PCNX2: variants seen among roughly 807,000 people sequenced by gnomAD.
The protein encoded by PCNX2 is pecanex 2, also known as pecanex-like protein 2.
In PCNX2, 168 loss-of-function variants were observed where a neutral mutation model predicts 223.8. That is an observed-to-expected ratio of 0.75 (90% CI 0.66 to 0.85). The LOEUF (loss-of-function observed/expected upper bound fraction) is 0.85. Among genes scored for constraint, PCNX2 ranks in the 40% least tolerant of loss-of-function variants. The pLI is 0.00. For synonymous variants in PCNX2, 1,006 were observed against 1,052.6 expected (o/e 0.96, Z 0.86); for missense variants, 2,507 against 2,675.5 (o/e 0.94, Z 1.39).
At chr1:233,120,218 A>G (rs1477950628) in intron 21 of PCNX2, among the ~76,000 whole-genome samples, 2 of 150,910 alleles carry the variant, frequency 1.3e-5, no homozygotes, top group African/African-American at 2.4e-5. Flanking sequence ...AAAAGAGTAT[A>G]GAGTATATAA....
At chr1:233,261,988 G>C in intron 3 of PCNX2, 57 bp downstream of exon 3, 1 of 1,603,230 alleles carries the variant, frequency 6.2e-7, no homozygotes, top group African/African-American at 1.3e-5. Flanking sequence ...CCCATTCTAG[G>C]TGAGATCAAC....
chr1:232,999,422 TG>T (rs1669998347), intron 30 of PCNX2, 43 bp from the exon 31 acceptor site: 1 of 1,520,538 alleles, frequency 6.6e-7, no homozygotes. Flanking sequence ...AGAAGGCCTG[TG>T]TTTTCCAGTC....
chr1:233,172,996 C>G (rs979481014), intron 17 of PCNX2, among the ~76,000 whole-genome samples: 1 of 152,122 alleles, frequency 6.6e-6, no homozygotes, highest in African/African-American at 2.4e-5. Context: ...CACTGCTAAA[C>G]AATTACCTCA....
chr1:233,293,173 G>T (rs907228484), intron 1 of PCNX2, among the ~76,000 whole-genome samples: 17 of 152,178 alleles, frequency 1.1e-4, no homozygotes, highest in Non-Finnish European at 1.9e-4. Flanking sequence ...ATAAAAATGA[G>T]CCCATATGCA....
chr1:233,284,276 T>G (rs962725639), intron 1 of PCNX2, among the ~76,000 whole-genome samples: 2 of 152,176 alleles, frequency 1.3e-5, no homozygotes, highest in Non-Finnish European at 2.9e-5. Context: ...AAGAGACACC[T>G]GTTGAAGTTT....
intron 12 of PCNX2, among the ~76,000 whole-genome samples, chr1:233,214,830 AC>A (rs1303095930): frequency 6.6e-6 from 1 of 152,152 alleles, no homozygotes; most frequent in African/African-American, 2.4e-5. Flanking sequence ...ACTGTATCAT[AC>A]CTGTTGCCAT....
At chr1:233,168,850 T>C (rs1236429763) in intron 17 of PCNX2, among the ~76,000 whole-genome samples, 1 of 152,104 alleles carries the variant, frequency 6.6e-6, no homozygotes, top group Non-Finnish European at 1.5e-5. Flanking sequence ...CTTGACACAA[T>C]TGGCACCATC....
At chr1:233,041,568 T>C (rs577948215) in intron 25 of PCNX2, among the ~76,000 whole-genome samples, 2 of 152,292 alleles carry the variant, frequency 1.3e-5, no homozygotes, top group Non-Finnish European at 2.9e-5. Context: ...GCTTCTGATG[T>C]TTCTTCCCAC....
intron 5 of PCNX2, 31 bp downstream of exon 5, chr1:233,257,997 T>A: frequency 6.3e-7 from 1 of 1,594,436 alleles, no homozygotes. Flanking sequence ...TTCTATGTCA[T>A]CATCAGAACG....
chr1:233,129,953 G>A (rs546947826), intron 21 of PCNX2, among the ~76,000 whole-genome samples: 17 of 152,276 alleles, frequency 1.1e-4, no homozygotes, highest in African/African-American at 4.1e-4. Flanking sequence ...CCTTTTTGCT[G>A]CTCACTGTTC....
chr1:233,227,455 C>T, intron 9 of PCNX2, 84 bp from the exon 10 acceptor site: 3 of 1,192,318 alleles, frequency 2.5e-6, no homozygotes, highest in Non-Finnish European at 3.5e-6. Context: ...TATGTATACA[C>T]ACACACACAT....
intron 21 of PCNX2, among the ~76,000 whole-genome samples, chr1:233,133,947 C>T (rs755751951): frequency 6.6e-6 from 1 of 151,612 alleles, no homozygotes; most frequent in Non-Finnish European, 1.5e-5. Flanking sequence ...CTCTTTAGTA[C>T]GATACAAGAG....
At chr1:233,028,007 G>T (rs1671141291) in intron 25 of PCNX2, among the ~76,000 whole-genome samples, 1 of 152,150 alleles carries the variant, frequency 6.6e-6, no homozygotes, top group African/African-American at 2.4e-5. Context: ...CCTGAGTTTA[G>T]AAGTGTGTTG....
At chr1:233,140,008 G>T in intron 19 of PCNX2, 153 bp from the exon 20 acceptor site, 1 of 456,260 alleles carries the variant, frequency 2.2e-6, no homozygotes, top group Non-Finnish European at 2.9e-6. Flanking sequence ...TTTTTTCCAG[G>T]CAGCAACTGT....
At chr1:233,322,740 C>T in the PCNX2 span, among the ~76,000 whole-genome samples, 7 of 152,140 alleles carry the variant, frequency 4.6e-5, no homozygotes, top group Non-Finnish European at 7.4e-5. Context: ...TTCAGATGGA[C>T]GTTCTAAGTC....
In PCNX2 at chr1:233,000,501, G is replaced by A. The variant is rs1394886653; in HGVS notation, c.5132C>T (p.Pro1711Leu). The change falls in exon 30 of 34, where the codon CCA becomes CTA. Residue 1711 changes from proline (P) to leucine (L), a missense_variant. By Grantham distance (98) the Pro-to-Leu change is moderately conservative. This residue lies in a region of PCNX2 where 1,372 missense variants were observed against 1,509.4 expected (regional missense o/e 0.91). Transcript: ENST00000258229. The surrounding 1 kb of genome is among the most constrained non-coding windows in gnomAD (Gnocchi z 4.6). ...CTGGATGGCCTCGTAGAGGACTGCT[G>A]GGTCTTCATACTCGTCAGGGCAAGT... is the stretch of plus-strand genomic sequence containing the variant. ...QFTCPDEYED[P>L]AVLYEAIQSF... 3.1e-6 allele frequency: 5 copies of A among 1,603,564 alleles called. No homozygotes were observed. Among genetic ancestry groups the A allele is most frequent in the East Asian group, 4.5e-5 (2 of 44,794 alleles).
rs1227748975 is a variant in PCNX2, at chr1:233,001,036, C to T, written c.5097+501G>A. Among the ~76,000 whole-genome samples the T allele has an allele frequency of 6.6e-6, 1 of 151,508 alleles. No homozygotes were observed. The highest frequency in any genetic ancestry group is 2.1e-4 in the South Asian group (1 of 4,796). ...CTAAAGTTTCAGGCTGATCCTTTTT[C>T]TTTTTTTTTCCCCAAGAGACAGGGT... On this transcript the variant is annotated intron_variant, in intron 29 of 33. Transcript: ENST00000258229. This position sits in a 1 kb window ranked among gnomAD's most constrained non-coding sequence, Gnocchi z 4.2.
intron 25 of PCNX2, 82 bp downstream of exon 25, chr1:233,054,178 TGTTTAACA>T (rs1380583419): frequency 8.3e-7 from 1 of 1,199,516 alleles, no homozygotes; most frequent in African/African-American, 1.5e-5. Context: ...AAGTTTTTCC[TGTTTAACA>T]GTGACTTCTT....
At chr1:233,247,244 A>C (rs894156795) in intron 8 of PCNX2, among the ~76,000 whole-genome samples, 3 of 152,204 alleles carry the variant, frequency 2.0e-5, no homozygotes, top group African/African-American at 7.2e-5. Flanking sequence ...AAGGGACTGG[A>C]GTTTTGTGCT....
Sources: allele counts gnomAD v4.1 joint callset (sites outside exome capture counted in the v4.1 genomes callset), GRCh38; gene constraint gnomAD v4.1.1; regional missense constraint gnomAD v4.1.1; non-coding constraint Gnocchi (gnomAD v3.1); transcripts MANE v1.5; gene names NCBI Gene and HGNC (gene_info 2026-07-23, HGNC 2026-07-21).